The following ANKS1B variants were observed in gnomAD, a reference collection of about 807,000 sequenced individuals.
ANKS1B encodes the protein ankyrin repeat and sterile alpha motif domain containing 1B.
Under a neutral mutation model 148.3 loss-of-function variants are expected in ANKS1B, and 36 were observed. The ratio of observed to expected loss-of-function variants is 0.24; its 90% CI spans 0.19 to 0.32. ANKS1B has a LOEUF of 0.32. Ranked by LOEUF, ANKS1B falls within the 10% of genes least tolerant of loss-of-function variation. The pLI is 1.00. For synonymous variants in ANKS1B, 542 were observed against 560.8 expected, an observed-to-expected ratio of 0.97 and a Z score of 0.47; for missense variants, 1,157 against 1,542.6, an observed-to-expected ratio of 0.75 and a Z score of 4.19.
At chr12:99,463,735 G>A (rs1388525452) in intron 10 of ANKS1B, among the ~76,000 whole-genome samples, 1 of 152,220 alleles carries the variant, frequency 6.6e-6, no homozygotes, top group Non-Finnish European at 1.5e-5. Flanking sequence ...GCGAGGCTTG[G>A]GGAGGGGCGC....
chr12:99,349,257 T>C (rs1012712062), intron 12 of ANKS1B, among the ~76,000 whole-genome samples: 2 of 151,664 alleles, frequency 1.3e-5, no homozygotes, highest in African/African-American at 4.8e-5. Flanking sequence ...GTAACTAATA[T>C]GAAAGACAAT....
chr12:99,923,599 A>G (rs1227168708), intron 1 of ANKS1B, among the ~76,000 whole-genome samples: 1 of 152,194 alleles, frequency 6.6e-6, no homozygotes, highest in East Asian at 1.9e-4. Flanking sequence ...GACAGAAAAA[A>G]AGGAAAGAAC....
chr12:99,526,958 C>T (rs1392693422), intron 9 of ANKS1B, among the ~76,000 whole-genome samples: 3 of 152,184 alleles, frequency 2.0e-5, no homozygotes, highest in Non-Finnish European at 2.9e-5. Context: ...TGGAGACAGA[C>T]TTGTACACAG....
intron 9 of ANKS1B, among the ~76,000 whole-genome samples, chr12:99,578,272 G>T (rs957709982): frequency 6.6e-6 from 1 of 152,012 alleles, no homozygotes; most frequent in African/African-American, 2.4e-5. Flanking sequence ...TGTCAAATGG[G>T]CAAAAGCTGG....
chr12:98,835,832 A>G (rs1453340378), intron 17 of ANKS1B, among the ~76,000 whole-genome samples: 2 of 152,236 alleles, frequency 1.3e-5, no homozygotes, highest in Non-Finnish European at 2.9e-5. Flanking sequence ...CCTTTTTATC[A>G]GAAATGAGCC....
intron 12 of ANKS1B, among the ~76,000 whole-genome samples, chr12:99,331,507 C>G (rs1406346913): frequency 1.3e-5 from 2 of 151,922 alleles, no homozygotes; most frequent in Non-Finnish European, 2.9e-5. Flanking sequence ...CTGGAGTTCT[C>G]CTAAGCCACC....
chr12:99,094,741 G>A (rs370117926), intron 15 of ANKS1B, among the ~76,000 whole-genome samples: 2 of 152,256 alleles, frequency 1.3e-5, no homozygotes, highest in African/African-American at 4.8e-5. Context: ...TGAGGGGGAC[G>A]AAGACCTGGG....
At chr12:99,934,866 A>G (rs1603467655) in intron 1 of ANKS1B, among the ~76,000 whole-genome samples, 1 of 152,138 alleles carries the variant, frequency 6.6e-6, no homozygotes, top group Non-Finnish European at 1.5e-5. Flanking sequence ...ATGTACATAA[A>G]TGCTTGTCTA....
At chr12:98,753,991 G>T (rs1322759562) in intron 25 of ANKS1B, among the ~76,000 whole-genome samples, 1 of 152,164 alleles carries the variant, frequency 6.6e-6, no homozygotes, top group Admixed American at 6.5e-5. Context: ...AGGCCCAAGG[G>T]TTCTAGACCA....
At chr12:99,045,560 T>C (rs925431574) in intron 17 of ANKS1B, among the ~76,000 whole-genome samples, 1 of 152,192 alleles carries the variant, frequency 6.6e-6, no homozygotes, top group East Asian at 1.9e-4. Flanking sequence ...ACACGAAAGA[T>C]TTCAATTCAA....
chr12:99,301,043 G>A (rs2081526612), intron 12 of ANKS1B, among the ~76,000 whole-genome samples: 2 of 152,144 alleles, frequency 1.3e-5, no homozygotes, highest in African/African-American at 4.8e-5. Flanking sequence ...TCTGAGAACC[G>A]GGGAGCCAAT....
At chr12:99,649,603 T>TCCAGGA in intron 9 of ANKS1B, 1 of 531,442 alleles carries the variant, frequency 1.9e-6, no homozygotes, top group South Asian at 2.4e-5. Context: ...CCTTCAGAGG[T>TCCAGGA]CCAGGAGGAA....
intron 12 of ANKS1B, among the ~76,000 whole-genome samples, chr12:99,321,754 CT>C (rs918276004): frequency 2.0e-4 from 31 of 152,200 alleles, no homozygotes; most frequent in African/African-American, 7.2e-4. Flanking sequence ...CAGAAATCAC[CT>C]GTCTTCTGCA....
Position 99,839,500 on chromosome 12 carries a change from G to A in ANKS1B, c.135-14111C>T, listed in dbSNP as rs369323470. On this transcript the variant is annotated intron_variant, in intron 1 of 26. Transcript: ENST00000683438. ...AAAATATAAGTATTAAATATACTAC[G>A]CAATCCACAGAAGGTACTTATTAAA... Among the ~76,000 whole-genome samples, 23 of 152,030 alleles carry A rather than the reference G, an allele frequency of 1.5e-4. No individual in the cohort carries two copies. The East Asian group carries it at 1.7e-3, about 12-fold the overall frequency.
At chr12:99,728,319 T>C (rs547687427) in intron 8 of ANKS1B, among the ~76,000 whole-genome samples, 11 of 152,098 alleles carry the variant, frequency 7.2e-5, no homozygotes, top group Non-Finnish European at 1.6e-4. Flanking sequence ...GCAAAGGATA[T>C]GAACAGACAC....
intron 24 of ANKS1B, among the ~76,000 whole-genome samples, chr12:98,774,145 T>A (rs149927585): frequency 6.6e-6 from 1 of 152,174 alleles, no homozygotes; most frequent in Non-Finnish European, 1.5e-5. Flanking sequence ...CCTAACTACA[T>A]CCACTGTGTA....
At chr12:99,756,707 T>C (rs951880223) in intron 8 of ANKS1B, among the ~76,000 whole-genome samples, 7 of 152,050 alleles carry the variant, frequency 4.6e-5, no homozygotes, top group Admixed American at 2.6e-4. Flanking sequence ...CAAAACAGCA[T>C]AGTACTGGTA....
Position 98,981,326 on chromosome 12 carries a change from G to GT in ANKS1B, c.2778+71830dup, listed in dbSNP as rs548173898. ...CTATTGTTCAGTTTTTTTTTCTTTT[G>GT]TTTTTTGTTGTTTGCTTTTGCTTTT... On this transcript the variant is annotated intron_variant, in intron 17 of 26. Coordinates refer to ENST00000683438, the MANE Select transcript of ANKS1B (RefSeq NM_001352186.2). Among the ~76,000 whole-genome samples, 14 of 151,246 alleles carry GT rather than the reference G, an allele frequency of 9.3e-5. No homozygotes were observed. In the South Asian group the frequency reaches 1.3e-3, roughly 14 times the overall value.
chr12:99,055,672 T>C (rs1262505148), intron 16 of ANKS1B, among the ~76,000 whole-genome samples: 3 of 151,356 alleles, frequency 2.0e-5, no homozygotes, highest in African/African-American at 7.3e-5. Flanking sequence ...TGCCAGAAAA[T>C]TTAGAATCAG....
Sources: allele counts gnomAD v4.1 joint callset (sites outside exome capture counted in the v4.1 genomes callset), GRCh38; gene constraint gnomAD v4.1.1; transcripts MANE v1.5; gene names NCBI Gene and HGNC (gene_info 2026-07-23, HGNC 2026-07-21).